Variants in CYP11A1 observed in about 807,000 individuals in gnomAD.
CYP11A1 encodes cholesterol side-chain cleavage enzyme, mitochondrial.
In CYP11A1, 25 loss-of-function variants were observed where a neutral mutation model predicts 51.9. The ratio of observed to expected loss-of-function variants is 0.48; its 90% CI spans 0.35 to 0.67. The LOEUF (loss-of-function observed/expected upper bound fraction) is 0.67. CYP11A1 is among the 30% of genes least tolerant of loss of function. The pLI, the probability that CYP11A1 is intolerant of heterozygous loss-of-function variation, is 0.00. For synonymous variants in CYP11A1, 245 were observed against 262.1 expected (o/e 0.93, Z 0.63); for missense variants, 578 against 680.9 (o/e 0.85, Z 1.68).
intron 1 of CYP11A1, chr15:74,366,640 C>T (rs910578044): frequency 1.3e-5 from 2 of 151,218 alleles, no homozygotes; most frequent in African/African-American, 4.9e-5. Context: ...TTTTAAAACT[C>T]GCTGGCTGGG....
At chr15:74,355,153 C>A (rs2060673458) in intron 1 of CYP11A1, among the ~76,000 whole-genome samples, 1 of 62 alleles carries the variant, frequency 0.016, no homozygotes, top group Non-Finnish European at 0.038. Context: ...TATGGGCAAA[C>A]TTCCACCCCT....
intron 1 of CYP11A1, among the ~76,000 whole-genome samples, chr15:74,351,537 G>A (rs1028234732): frequency 6.6e-6 from 1 of 152,102 alleles, no homozygotes; most frequent in Non-Finnish European, 1.5e-5. Flanking sequence ...TGCTCCAGAG[G>A]GGAAAGCCTG....
chr15:74,339,660 G>C lies in CYP11A1; in HGVS notation c.1084C>G (p.Gln362Glu). The change falls in exon 6 of 9, where the codon CAG becomes GAG. Residue 362 changes from glutamine (Q) to glutamate (E), a missense_variant. Transcript: ENST00000268053. ...ATCGTGGCCATGTCTCCCTGGGCCT[G>C]GTGCCGCGCAGCCAAGACCTCTGCC... ...LRAEVLAARHQAQGDMATMLQ... is the reference protein window; with the variant it reads ...LRAEVLAARHEAQGDMATMLQ... 6.2e-7 allele frequency: 1 copy of C among 1,614,144 alleles called. No individual in the cohort carries two copies. The highest frequency in any genetic ancestry group is 8.5e-7 in the Non-Finnish European group (1 of 1,180,014).
intron 1 of CYP11A1, among the ~76,000 whole-genome samples, chr15:74,349,171 G>C (rs1023467772): frequency 6.6e-6 from 1 of 152,188 alleles, no homozygotes; most frequent in Admixed American, 6.5e-5. Flanking sequence ...AAGCAACTCA[G>C]CCAAAACCTT....
At chr15:74,348,912 GA>G (rs1567054252) in intron 1 of CYP11A1, among the ~76,000 whole-genome samples, 1 of 152,244 alleles carries the variant, frequency 6.6e-6, no homozygotes, top group South Asian at 2.1e-4. Context: ...TTTTTGTAGA[GA>G]TGAGGTTTTG....
chr15:74,365,833 G>A, intron 1 of CYP11A1: 1 of 985,640 alleles, frequency 1.0e-6, no homozygotes, highest in East Asian at 1.1e-4. Flanking sequence ...GCCGGGCAGA[G>A]AAACGCATAC....
At chr15:74,344,548 A>G (rs1314131565) in intron 3 of CYP11A1, among the ~76,000 whole-genome samples, 1 of 152,140 alleles carries the variant, frequency 6.6e-6, no homozygotes, top group Non-Finnish European at 1.5e-5. Flanking sequence ...AATCTTCATC[A>G]AGCCACAGGG....
At chr15:74,355,736 T>C (rs1440150366) in intron 1 of CYP11A1, among the ~76,000 whole-genome samples, 1 of 152,260 alleles carries the variant, frequency 6.6e-6, no homozygotes, top group Non-Finnish European at 1.5e-5. Context: ...AAAAGGTGGC[T>C]GGAGCTAAAG....
At chr15:74,341,347 G>A (rs1322903140) in intron 5 of CYP11A1, among the ~76,000 whole-genome samples, 1 of 152,176 alleles carries the variant, frequency 6.6e-6, no homozygotes, top group Non-Finnish European at 1.5e-5. Flanking sequence ...TATGCTCAAA[G>A]GCTCCATTTG....
rs1380629519 is a variant in CYP11A1, at chr15:74,353,100, A to G, written c.270-5045T>C. Among the ~76,000 whole-genome samples, 3 of 152,230 alleles carry G rather than the reference A, an allele frequency of 2.0e-5. No individual in the cohort carries two copies. The East Asian group carries it at 5.8e-4, about 29-fold the overall frequency. On this transcript the variant is annotated intron_variant, in intron 1 of 8. Transcript: ENST00000268053. ...GGATAAGGTTTCTAGTTAACACGTA[A>G]TTCTGTATACAAAAAGTGCCTGAAA...
chr15:74,348,647 C>CT (rs2060642737), intron 1 of CYP11A1, among the ~76,000 whole-genome samples: 6 of 152,210 alleles, frequency 3.9e-5, no homozygotes, highest in Non-Finnish European at 8.8e-5. Context: ...AATAAAACTT[C>CT]AGTAAAACAT....
chr15:74,347,989 C>A lies in CYP11A1; in HGVS notation c.336G>T (p.Lys112Asn), dbSNP rs1224821278. The stretch of plus-strand genomic sequence containing the variant: ...ATCGTTCTGGGTTGGGGCCCTCGGA[C>A]TTAAAGAGAAGGGCCACATCTTCAG... ...IDPEDVALLF[K>N]SEGPNPERFL... Residue 112 changes from lysine (K) to asparagine (N), a missense_variant, in exon 2 of 9, where the codon AAG becomes AAT. Lys to Asn is a moderately conservative substitution (Grantham distance 94). Coordinates refer to ENST00000268053, the MANE Select transcript of CYP11A1 (RefSeq NM_000781.3). 1.2e-6 allele frequency: 2 copies of A among 1,614,176 alleles called. No homozygotes were observed. The highest frequency in any genetic ancestry group is 1.1e-5 in the South Asian group (1 of 91,082).
At chr15:74,358,750 G>C (rs140436925) in intron 1 of CYP11A1, among the ~76,000 whole-genome samples, 1 of 152,130 alleles carries the variant, frequency 6.6e-6, no homozygotes, top group Non-Finnish European at 1.5e-5. Flanking sequence ...ATAATTCCTC[G>C]GTTTGGCCTT....
At chr15:74,343,726 G>C in intron 4 of CYP11A1, 63 bp downstream of exon 4, 2 of 1,455,376 alleles carry the variant, frequency 1.4e-6, no homozygotes, top group Non-Finnish European at 1.9e-6. Context: ...CATAGCGTGG[G>C]ACAAAGGAGC....
chr15:74,366,139 G>C, intron 1 of CYP11A1: 1 of 985,586 alleles, frequency 1.0e-6, no homozygotes, highest in Non-Finnish European at 1.2e-6. Flanking sequence ...GCCACGCTAG[G>C]GCGGACCCAA....
rs918104779 is a variant in CYP11A1, at chr15:74,345,719, C to G, written c.426-476G>C. On this transcript the variant is annotated intron_variant, in intron 2 of 8. Coordinates refer to ENST00000268053, the MANE Select transcript of CYP11A1 (RefSeq NM_000781.3). The surrounding 1 kb of genome is among the most constrained non-coding windows in gnomAD (Gnocchi z 4.3). The stretch of plus-strand genomic sequence containing the variant: ...TGCACCCCCAACACGTCCCATTACT[C>G]ACTTCTGTCGGGGGACCTCAGGTGC... 6.6e-6 allele frequency among the ~76,000 whole-genome samples: 1 copy of G among 152,188 alleles called. No individual in the cohort carries two copies. The highest frequency in any genetic ancestry group is 1.5e-5 in the Non-Finnish European group (1 of 68,032).
Position 74,367,644 on chromosome 15 carries a change from T to C in CYP11A1, c.-59A>G, listed in dbSNP as rs567971184. On this transcript the variant is annotated 5_prime_UTR_variant, in exon 1 of 9. Coordinates refer to ENST00000268053, the MANE Select transcript of CYP11A1 (RefSeq NM_000781.3). ...CTTCAGCGGGGACTGCTAGGATGAC[T>C]GTAGCCCTGGGCCACCAGGGCCAAG... The C allele has an allele frequency of 3.9e-5, 62 of 1,590,832 alleles. No individual in the cohort carries two copies. The East Asian group carries it at 1.2e-3, about 32-fold the overall frequency.
chr15:74,349,469 A>G (rs144925763), intron 1 of CYP11A1, among the ~76,000 whole-genome samples: 1 of 152,176 alleles, frequency 6.6e-6, no homozygotes, highest in African/African-American at 2.4e-5. Context: ...GATGAGTTTC[A>G]GGCCTTCACT....
At position 74,367,320 on chromosome 15, in the gene CYP11A1, T is replaced by C; in HGVS notation, c.266A>G (p.Tyr89Cys). The C allele has an allele frequency of 6.2e-7, 1 of 1,614,122 alleles. No homozygotes were observed. Among genetic ancestry groups the C allele is most frequent in the Non-Finnish European group, 8.5e-7 (1 of 1,180,016 alleles). ...TCCCACCCTCTGCCAGGCTTACCTG[T>C]AAATCGGGCCATACTTCTGGAAATT... ...VQNFQKYGPI[Y>C]REKLGNVESV... The change falls in exon 1 of 9, where the codon TAC becomes TGC. Residue 89 changes from tyrosine to cysteine, a missense_variant. Tyr to Cys is a radical substitution (Grantham distance 194). Coordinates refer to ENST00000268053, the MANE Select transcript of CYP11A1 (RefSeq NM_000781.3).
Sources: gnomAD v4.1 joint callset for allele counts (sites outside exome capture counted in the v4.1 genomes callset) on GRCh38, gnomAD v4.1.1 for gene constraint, Gnocchi (gnomAD v3.1) non-coding constraint, MANE v1.5 for transcripts, NCBI Gene and HGNC (gene_info 2026-07-23, HGNC 2026-07-21) for gene names.